The following CR1L variants were observed in gnomAD, a reference collection of about 807,000 sequenced individuals.
CR1L encodes complement C3b/C4b receptor 1 like, also known as complement component receptor 1-like protein.
CR1L carries 59 observed loss-of-function variants against 62.3 expected under a neutral mutation model. The observed-to-expected ratio is 0.95, with a 90% CI of 0.77 to 1.18. The LOEUF is 1.18. Among genes scored for constraint, CR1L ranks in the 50% most tolerant of loss-of-function variants. The pLI is 0.00. For missense variants in CR1L, 700 were observed against 702.8 expected, an observed-to-expected ratio of 1.00 and a Z score of 0.04; for synonymous variants, 279 against 248.7, an observed-to-expected ratio of 1.12 and a Z score of -1.15.
chr1:207,648,965 AT>A (rs11310916), intron 1 of CR1L, among the ~76,000 whole-genome samples: 12,722 of 152,122 alleles, frequency 0.084, 766 homozygotes, highest in African/African-American at 0.17. Flanking sequence ...TGAGTACCAA[AT>A]TTTTTTCAAA....
rs139294447 is a variant in CR1L, at chr1:207,706,013, G to GTATATATATATATA, written c.1329-2146_1329-2133dup. On this transcript the variant is annotated intron_variant, in intron 9 of 11. Transcript: ENST00000508064. ...GTGTCATATATATGTGTGTGTGTAT[G>GTATATATATATATA]TATATATATATATATATATATATAT... is the stretch of plus-strand genomic sequence containing the variant. Among the ~76,000 whole-genome samples the GTATATATATATATA allele has an allele frequency of 4.2e-3, 563 of 133,428 alleles. 4 individuals carry two copies. Among genetic ancestry groups the GTATATATATATATA allele is most frequent in the Non-Finnish European group, 6.8e-3 (412 of 60,880 alleles). The allele number at this position is 133,428 out of a possible 152,430, so 87.5% of individuals were successfully genotyped here.
chr1:207,686,612 CA>C (rs1464722194), intron 4 of CR1L, among the ~76,000 whole-genome samples: 1 of 152,092 alleles, frequency 6.6e-6, no homozygotes, highest in African/African-American at 2.4e-5. Context: ...TTATATATAA[CA>C]AATACCCTTT....
At chr1:207,697,070 T>G (rs1046879117) in intron 5 of CR1L, among the ~76,000 whole-genome samples, 7 of 152,174 alleles carry the variant, frequency 4.6e-5, no homozygotes, top group Non-Finnish European at 8.8e-5. Context: ...GAGGGACCTA[T>G]TAGATGAGAC....
At chr1:207,711,225 G>A in intron 10 of CR1L, 1 of 215,560 alleles carries the variant, frequency 4.6e-6, no homozygotes. Flanking sequence ...CTTAGCAGCG[G>A]AGTGGGAGGT....
intron 1 of CR1L, chr1:207,669,483 G>A: frequency 6.4e-7 from 1 of 1,573,082 alleles, no homozygotes; most frequent in Non-Finnish European, 8.7e-7. Flanking sequence ...AGCCTGTTGG[G>A]CAGCCGGCGC....
At chr1:207,677,307 C>CAAAAAAAAAAAAAAAAAAAAA (rs57151160) in intron 1 of CR1L, 82 bp from the exon 2 acceptor site, 1 of 460,606 alleles carries the variant, frequency 2.2e-6, no homozygotes, top group Non-Finnish European at 3.0e-6. Flanking sequence ...GACTCTGTCA[C>CAAAAAAAAAAAAAAAAAAAAA]AAAAAAAAAA....
At chr1:207,710,475 A>G (rs925309227) in intron 10 of CR1L, 136 of 1,605,220 alleles carry the variant, frequency 8.5e-5, no homozygotes, top group African/African-American at 2.3e-4. Context: ...GTGACCTACC[A>G]CTGCAATCTT....
chr1:207,647,701 A>AGAGCTG (rs1663151417), intron 1 of CR1L, among the ~76,000 whole-genome samples: 1 of 152,072 alleles, frequency 6.6e-6, no homozygotes, highest in Non-Finnish European at 1.5e-5. Context: ...TTAAAGAGCT[A>AGAGCTG]TGCTCAGGAT....
intron 4 of CR1L, 136 bp from the exon 5 acceptor site, chr1:207,694,217 T>A: frequency 9.0e-7 from 1 of 1,108,114 alleles, no homozygotes; most frequent in Non-Finnish European, 1.3e-6. Flanking sequence ...CCACCAAAAT[T>A]ACAACTTTGT....
chr1:207,679,012 T>C (rs1663751397), intron 3 of CR1L, among the ~76,000 whole-genome samples: 1 of 131,370 alleles, frequency 7.6e-6, no homozygotes, highest in Non-Finnish European at 1.7e-5. Context: ...TTTTTTTTTT[T>C]TTGAGATGGA....
At chr1:207,683,631 A>G (rs576410417) in intron 3 of CR1L, among the ~76,000 whole-genome samples, 1 of 152,220 alleles carries the variant, frequency 6.6e-6, no homozygotes, top group African/African-American at 2.4e-5. Flanking sequence ...CTCATCTTTG[A>G]TTTATATAAA....
At chr1:207,710,428 T>C in intron 10 of CR1L, 2 of 1,574,152 alleles carry the variant, frequency 1.3e-6, no homozygotes, top group South Asian at 2.2e-5. Flanking sequence ...GATATTTCAT[T>C]AGCACCGACA....
intron 10 of CR1L, among the ~76,000 whole-genome samples, chr1:207,713,649 C>A (rs150633859): frequency 1.3e-5 from 2 of 152,198 alleles, no homozygotes; most frequent in African/African-American, 2.4e-5. Flanking sequence ...TCCAGCTGGC[C>A]GCGCCAAGCA....
chr1:207,693,283 A>C (rs1189625718), intron 4 of CR1L, among the ~76,000 whole-genome samples: 2 of 152,040 alleles, frequency 1.3e-5, no homozygotes, highest in African/African-American at 4.8e-5. Context: ...ATTCCTGGCT[A>C]ATTTTTGTAT....
At chr1:207,694,301 G>T in intron 4 of CR1L, 52 bp from the exon 5 acceptor site, 1 of 1,602,294 alleles carries the variant, frequency 6.2e-7, no homozygotes, top group South Asian at 1.1e-5. Context: ...TTAGTGACTC[G>T]TGAGATTTTT....
At chr1:207,695,126 G>A (rs1408139500) in intron 5 of CR1L, among the ~76,000 whole-genome samples, 1 of 152,042 alleles carries the variant, frequency 6.6e-6, no homozygotes, top group Non-Finnish European at 1.5e-5. Context: ...TTCTAGGTTT[G>A]TCTGTTTTGT....
intron 1 of CR1L, chr1:207,669,438 C>G (rs1260585189): frequency 1.5e-6 from 2 of 1,329,854 alleles, no homozygotes; most frequent in Admixed American, 1.7e-5. Context: ...AGATGTGCTT[C>G]GGGAGGATGG....
chr1:207,697,317 G>T (rs1486896361), intron 5 of CR1L, among the ~76,000 whole-genome samples, 186 bp from the exon 6 acceptor site: 1 of 152,192 alleles, frequency 6.6e-6, no homozygotes, highest in Non-Finnish European at 1.5e-5. Flanking sequence ...CAATGTGTCA[G>T]TTCTATGAGT....
rs1159848876 is a variant in CR1L at position 207,697,884 on chromosome 1, G to T, written c.1142+11G>T. 3.7e-6 allele frequency: 6 copies of T among 1,613,534 alleles called. No individual in the cohort carries two copies. The highest frequency in any genetic ancestry group is 1.7e-5 in the Admixed American group (1 of 59,954). On this transcript the variant is annotated intron_variant, in intron 7 of 11. Transcript: ENST00000508064. ...TGTTTGTGATGAAGGGTGAGTATGA[G>T]CTTGCCTGACCTGCTGGACATTGAA... is the stretch of plus-strand genomic sequence containing the variant.
Sources: gnomAD v4.1 joint callset for allele counts (sites outside exome capture counted in the v4.1 genomes callset) on GRCh38, gnomAD v4.1.1 for gene constraint, MANE v1.5 for transcripts, NCBI Gene and HGNC (gene_info 2026-07-23, HGNC 2026-07-21) for gene names.